The following ARHGAP39 variants were observed in gnomAD, a reference collection of about 807,000 sequenced individuals.
ARHGAP39 encodes the protein Rho GTPase activating protein 39.
A neutral mutation model predicts 106.9 loss-of-function variants in ARHGAP39; 44 were observed. The ratio of observed to expected loss-of-function variants is 0.41; its 90% CI spans 0.32 to 0.53. The LOEUF (loss-of-function observed/expected upper bound fraction) is 0.53. ARHGAP39 is among the 20% of genes least tolerant of loss of function. The probability of loss-of-function intolerance (pLI) is 0.21; values close to 1 mark genes in which losing one functional copy is unlikely to be tolerated. For missense variants in ARHGAP39, 1,496 were observed against 1,577.3 expected, an observed-to-expected ratio of 0.95 and a Z score of 0.87; for synonymous variants, 768 against 693.2, an observed-to-expected ratio of 1.11 and a Z score of -1.69.
chr8:144,602,120 CATG>C (rs1820011083), intron 2 of ARHGAP39, among the ~76,000 whole-genome samples: 3 of 113,744 alleles, frequency 2.6e-5, no homozygotes, highest in Non-Finnish European at 3.5e-5. Flanking sequence ...TGTGCATGTG[CATG>C]GAGGTGTGTG....
At chr8:144,662,704 C>A (rs971141761) in intron 1 of ARHGAP39, among the ~76,000 whole-genome samples, 3 of 150,224 alleles carry the variant, frequency 2.0e-5, no homozygotes, top group African/African-American at 7.4e-5. Flanking sequence ...CCCTATTATC[C>A]ACCTTGGGCC....
intron 1 of ARHGAP39, among the ~76,000 whole-genome samples, chr8:144,640,884 TCA>T (rs1821297201): frequency 6.6e-6 from 1 of 152,232 alleles, no homozygotes. Flanking sequence ...GTTTTCCGAT[TCA>T]CACAGTTAGT....
chr8:144,582,477 G>A (rs1819031229), intron 2 of ARHGAP39, among the ~76,000 whole-genome samples: 1 of 152,232 alleles, frequency 6.6e-6, no homozygotes, highest in African/African-American at 2.4e-5. Context: ...GGGGTTCTGG[G>A]TCTGTTTCTT....
At position 144,548,431 on chromosome 8, in the gene ARHGAP39, C is replaced by CAGCG. The variant is rs780046625; in HGVS notation, c.651_654dup (p.Asp219ArgfsTer2). On this transcript the variant is annotated frameshift_variant, in exon 5 of 12. Transcript: ENST00000377307. LOFTEE classifies it high-confidence loss of function. This position sits in a 1 kb window ranked among gnomAD's most constrained non-coding sequence, Gnocchi z 7.4. ...GCGGCGAGGAAGCTGGGCTCCCGAT[C>CAGCG]AGCGACCTTGATGAGCATGCGCTCT... is the stretch of plus-strand genomic sequence containing the variant. 1.2e-6 allele frequency: 2 copies of CAGCG among 1,610,914 alleles called. No individual in the cohort carries two copies.
Position 144,644,164 on chromosome 8 carries a change from C to T in ARHGAP39, c.-81-38469G>A, listed in dbSNP as rs898202626. Reference sequence around the variant, plus strand: ...AGGAGCCAAACACAGCACAGCCCCACGTTCACCACCAGACGATGGGGGAGA... The same window carrying T: ...AGGAGCCAAACACAGCACAGCCCCATGTTCACCACCAGACGATGGGGGAGA... On this transcript the variant is annotated intron_variant, in intron 1 of 11. Coordinates refer to ENST00000377307, the MANE Select transcript of ARHGAP39 (RefSeq NM_025251.3). The surrounding 1 kb of genome is among the most constrained non-coding windows in gnomAD (Gnocchi z 4.8). Among the ~76,000 whole-genome samples, 13 of 152,172 alleles carry T rather than the reference C, an allele frequency of 8.5e-5. No individual in the cohort carries two copies. Among genetic ancestry groups the T allele is most frequent in the African/African-American group, 3.1e-4 (13 of 41,436 alleles).
chr8:144,645,029 G>C lies in ARHGAP39; in HGVS notation c.-81-39334C>G, dbSNP rs746485117. Among the ~76,000 whole-genome samples, 3 of 152,256 alleles carry C rather than the reference G, an allele frequency of 2.0e-5. No individual in the cohort carries two copies. The highest frequency in any genetic ancestry group is 4.4e-5 in the Non-Finnish European group (3 of 68,056). On this transcript the variant is annotated intron_variant, in intron 1 of 11. Transcript: ENST00000377307. This position sits in a 1 kb window ranked among gnomAD's most constrained non-coding sequence, Gnocchi z 4.4. ...GTGACAGGCGCTGGGCCACGGCAGAGAGCACATGTCAACCGCAGTCCCCGT... is the reference window on the plus strand; with the variant it reads ...GTGACAGGCGCTGGGCCACGGCAGACAGCACATGTCAACCGCAGTCCCCGT...
chr8:144,562,569 C>T (rs1284878695), intron 3 of ARHGAP39, among the ~76,000 whole-genome samples: 1 of 136,296 alleles, frequency 7.3e-6, no homozygotes, highest in Non-Finnish European at 1.5e-5. Flanking sequence ...GTTTCCATCA[C>T]ACTCCAGTGG....
Position 144,547,785 on chromosome 8 carries a change from C to T in ARHGAP39, c.1301G>A (p.Cys434Tyr). 1 of 1,597,302 alleles carries T rather than the reference C, an allele frequency of 6.3e-7. No homozygotes were observed. Among genetic ancestry groups the T allele is most frequent in the Middle Eastern group, 1.7e-4 (1 of 6,026 alleles). Residue 434 changes from cysteine to tyrosine, a missense_variant, in exon 5 of 12, where the codon TGC becomes TAC. By Grantham distance (194) the Cys-to-Tyr change is radical. This residue lies in a region of ARHGAP39 where 905 missense variants were observed against 816.4 expected (regional missense o/e 1.11). Coordinates refer to ENST00000377307, the MANE Select transcript of ARHGAP39 (RefSeq NM_025251.3). The surrounding 1 kb of genome is among the most constrained non-coding windows in gnomAD (Gnocchi z 5.2). ...GGSYSLQPSPCLLRDQRLGVK... is the reference protein window; with the variant it reads ...GGSYSLQPSPYLLRDQRLGVK... ...GCCCAGGCGCTGGTCCCTCAGCAGG[C>T]AGGGGCTGGGCTGCAAGGAGTACGA...
chr8:144,637,060 C>T (rs1563718418), intron 1 of ARHGAP39, among the ~76,000 whole-genome samples: 1 of 152,160 alleles, frequency 6.6e-6, no homozygotes, highest in Non-Finnish European at 1.5e-5. Context: ...GTCTTTGTAC[C>T]AGTCTGTTTT....
At chr8:144,658,338 G>A (rs1821747138) in intron 1 of ARHGAP39, among the ~76,000 whole-genome samples, 2 of 151,638 alleles carry the variant, frequency 1.3e-5, no homozygotes, top group African/African-American at 2.4e-5. Flanking sequence ...GCAATGGTGC[G>A]ATCTTGGCTC....
chr8:144,532,445 T>C, intron 9 of ARHGAP39, 49 bp from the exon 10 acceptor site: 1 of 1,533,264 alleles, frequency 6.5e-7, no homozygotes, highest in Non-Finnish European at 9.0e-7. Context: ...GTGCTGCGGC[T>C]TCATGATTCC....
At chr8:144,546,242 C>T (rs1817415310) in intron 5 of ARHGAP39, among the ~76,000 whole-genome samples, 1 of 152,312 alleles carries the variant, frequency 6.6e-6, no homozygotes, top group African/African-American at 2.4e-5. Context: ...TGCTGGGACC[C>T]CAGGCCCTTC....
chr8:144,561,204 C>CCCAGTGGTTTCCATCACACT (rs1338861019), intron 3 of ARHGAP39, among the ~76,000 whole-genome samples: 1 of 151,890 alleles, frequency 6.6e-6, no homozygotes, highest in East Asian at 1.9e-4. Flanking sequence ...TCGGACTCAC[C>CCCAGTGGTTTCCATCACACT]CCAGTGGTTT....
chr8:144,605,568 A>G lies in ARHGAP39; in HGVS notation c.47T>C (p.Leu16Pro), dbSNP rs1239240850. ...CGACCCTGGAATCCTCGACTCCGGC[A>G]GGTCGACATTATGGCTCCTGCACTC... Reference protein sequence around the residue: ...DYECRSHNVDLPESRIPGSNT... With the variant: ...DYECRSHNVDPPESRIPGSNT... Residue 16 changes from leucine to proline, a missense_variant, in exon 2 of 12, where the codon CTG (leucine) becomes CCG (proline). This residue lies in a region of ARHGAP39 where 96 missense variants were observed against 107.9 expected (regional missense o/e 0.89). Coordinates refer to ENST00000377307, the MANE Select transcript of ARHGAP39 (RefSeq NM_025251.3). 2 of 1,613,892 alleles carry G rather than the reference A, an allele frequency of 1.2e-6. No individual in the cohort carries two copies. Among genetic ancestry groups the G allele is most frequent in the African/African-American group, 2.7e-5 (2 of 74,916 alleles).
At chr8:144,615,247 A>G (rs989965817) in intron 1 of ARHGAP39, among the ~76,000 whole-genome samples, 5 of 152,162 alleles carry the variant, frequency 3.3e-5, no homozygotes, top group Non-Finnish European at 7.4e-5. Context: ...CTGACCCCAG[A>G]AGGTCGATGC....
chr8:144,698,013 C>T, the ARHGAP39 span, among the ~76,000 whole-genome samples: 14 of 152,126 alleles, frequency 9.2e-5, no homozygotes, highest in East Asian at 1.9e-4. Context: ...TGTTAAGCTT[C>T]GCTATGGTTT....
intron 1 of ARHGAP39, among the ~76,000 whole-genome samples, chr8:144,681,268 C>G (rs1055131884): frequency 6.6e-6 from 1 of 152,118 alleles, no homozygotes; most frequent in African/African-American, 2.4e-5. Context: ...CTTGTTGAAG[C>G]AAGAAAGGTA....
At chr8:144,605,942 G>A in intron 1 of ARHGAP39, 1 of 368,260 alleles carries the variant, frequency 2.7e-6, no homozygotes, top group Middle Eastern at 7.8e-4. Flanking sequence ...TCCCCCCCAT[G>A]CCAGTCTGAG....
At chr8:144,628,333 G>A (rs1173898386) in intron 1 of ARHGAP39, among the ~76,000 whole-genome samples, 1 of 151,964 alleles carries the variant, frequency 6.6e-6, no homozygotes, top group Admixed American at 6.5e-5. Context: ...TTCAAGCAGG[G>A]GACACTCATG....
Sources: allele counts gnomAD v4.1 joint callset (sites outside exome capture counted in the v4.1 genomes callset), GRCh38; gene constraint gnomAD v4.1.1; regional missense constraint gnomAD v4.1.1; non-coding constraint Gnocchi (gnomAD v3.1); transcripts MANE v1.5; gene names NCBI Gene and HGNC (gene_info 2026-07-23, HGNC 2026-07-21).